Variants in XPNPEP3 observed in about 807,000 individuals in gnomAD.
XPNPEP3 encodes the protein X-prolyl aminopeptidase 3.
Under a neutral mutation model 60.0 loss-of-function variants are expected in XPNPEP3, and 41 were observed. That is an observed-to-expected ratio of 0.68 (90% CI 0.53 to 0.89). XPNPEP3 has a LOEUF of 0.89. XPNPEP3 is among the 40% of genes least tolerant of loss of function. The pLI is 0.00. For missense variants in XPNPEP3, 598 were observed against 638.9 expected (o/e 0.94, Z 0.69); for synonymous variants, 212 against 223.2 (o/e 0.95, Z 0.45).
In XPNPEP3 at chr22:40,869,053, G is replaced by A. The variant is rs761750025; in HGVS notation, c.119G>A (p.Arg40Lys). ...RYSLQPVPERRIPNRYLGQPS... is the reference protein window; with the variant it reads ...RYSLQPVPERKIPNRYLGQPS... ...TCCCTTCAGCCTGTCCCAGAAAGGA[G>A]GATTCCAAACCGATACTTAGGCCAG... The change falls in exon 2 of 10, where the codon AGG becomes AAG. Residue 40 changes from arginine to lysine, a missense_variant. Coordinates refer to ENST00000357137, the MANE Select transcript of XPNPEP3 (RefSeq NM_022098.4). 3.7e-5 allele frequency: 60 copies of A among 1,614,008 alleles called. No individual in the cohort carries two copies. The highest frequency in any genetic ancestry group is 4.9e-5 in the Non-Finnish European group (58 of 1,179,986).
At chr22:40,903,005 A>G (rs1383292908) in intron 4 of XPNPEP3, among the ~76,000 whole-genome samples, 1 of 152,226 alleles carries the variant, frequency 6.6e-6, no homozygotes, top group African/African-American at 2.4e-5. Flanking sequence ...TTGGTCACAT[A>G]GGCATATCCC....
chr22:40,907,055 A>G (rs1177793308), intron 4 of XPNPEP3: 17 of 456,222 alleles, frequency 3.7e-5, no homozygotes, highest in African/African-American at 1.2e-4. Flanking sequence ...TGTCACCCCA[A>G]TGGGGATTAA....
intron 1 of XPNPEP3, among the ~76,000 whole-genome samples, chr22:40,865,813 G>A (rs1166937843): frequency 4.6e-5 from 7 of 152,164 alleles, no homozygotes; most frequent in Non-Finnish European, 7.3e-5. Flanking sequence ...GGGATTACAA[G>A]CATGAGCCAC....
Position 40,861,428 on chromosome 22 carries a change from AGTT to A in XPNPEP3, c.64+4186_64+4188del, listed in dbSNP as rs1347031576. 3 of 1,613,700 alleles carry A rather than the reference AGTT, an allele frequency of 1.9e-6. No individual in the cohort carries two copies. The African/African-American group carries it at 4.0e-5, about 22-fold the overall frequency. ...TTCTGCCATTAACGATTTTGTCTGAAGTTGTAACAGATATGTAGTTGTCCATCC... is the reference window on the plus strand; with the variant it reads ...TTCTGCCATTAACGATTTTGTCTGAAGTAACAGATATGTAGTTGTCCATCC... On this transcript the variant is annotated intron_variant, in intron 1 of 9. Coordinates refer to ENST00000357137, the MANE Select transcript of XPNPEP3 (RefSeq NM_022098.4).
chr22:40,922,323 C>G lies in XPNPEP3; in HGVS notation c.1056-10C>G, dbSNP rs757304541. The G allele has an allele frequency of 1.9e-6, 3 of 1,613,702 alleles. No individual in the cohort carries two copies. ...TCTAAGTTCAGGTTCTTTGGTTTTCCCGTCCCCAGGTTCACCGCACCTCAG... is the reference window on the plus strand; with the variant it reads ...TCTAAGTTCAGGTTCTTTGGTTTTCGCGTCCCCAGGTTCACCGCACCTCAG... On this transcript the variant is annotated splice_polypyrimidine_tract_variant and intron_variant, in intron 7 of 9. Coordinates refer to ENST00000357137, the MANE Select transcript of XPNPEP3 (RefSeq NM_022098.4).
At chr22:40,869,984 C>T (rs904526987) in intron 2 of XPNPEP3, 1 of 463,728 alleles carries the variant, frequency 2.2e-6, no homozygotes, top group African/African-American at 2.0e-5. Context: ...TTCACTATCC[C>T]CACTCAGTGA....
intron 7 of XPNPEP3, 43 bp downstream of exon 7, chr22:40,914,367 G>A: frequency 6.6e-7 from 1 of 1,510,894 alleles, no homozygotes; most frequent in Non-Finnish European, 9.2e-7. Context: ...CTTCTTAGGA[G>A]TATGAGTTGG....
intron 1 of XPNPEP3, among the ~76,000 whole-genome samples, chr22:40,857,487 C>G (rs972861662): frequency 1.3e-5 from 2 of 152,236 alleles, no homozygotes; most frequent in Admixed American, 6.5e-5. Context: ...GTGCCATCCC[C>G]CAGAGGGGCT....
intron 1 of XPNPEP3, chr22:40,862,244 A>G (rs745313109): frequency 1.3e-4 from 162 of 1,217,264 alleles, no homozygotes; most frequent in Non-Finnish European, 1.6e-4. Flanking sequence ...GACCTTCCAA[A>G]TAGAGCTAGT....
intron 4 of XPNPEP3, among the ~76,000 whole-genome samples, chr22:40,904,738 G>A (rs2058147923): frequency 1.3e-5 from 2 of 152,132 alleles, no homozygotes; most frequent in South Asian, 2.1e-4. Flanking sequence ...GTGATTGTGT[G>A]TGCAAGTGTC....
At chr22:40,911,319 ATTTC>A (rs1007473409) in intron 6 of XPNPEP3, among the ~76,000 whole-genome samples, 10 of 152,004 alleles carry the variant, frequency 6.6e-5, no homozygotes, top group South Asian at 2.1e-4. Flanking sequence ...GGTCTATATA[ATTTC>A]TTTCTTATGC....
chr22:40,881,641 C>CTA, intron 2 of XPNPEP3, 129 bp from the exon 3 acceptor site: 7 of 1,110,434 alleles, frequency 6.3e-6, no homozygotes, highest in Non-Finnish European at 8.0e-6. Context: ...CCTTAATTCT[C>CTA]CATGTGCTGT....
At chr22:40,916,305 A>G (rs2058196102) in intron 7 of XPNPEP3, among the ~76,000 whole-genome samples, 1 of 152,126 alleles carries the variant, frequency 6.6e-6, no homozygotes, top group African/African-American at 2.4e-5. Context: ...CAAAGGAAAA[A>G]AAAAAAGAAA....
intron 3 of XPNPEP3, among the ~76,000 whole-genome samples, chr22:40,885,135 A>T (rs1175340267): frequency 6.6e-6 from 1 of 152,186 alleles, no homozygotes; most frequent in Non-Finnish European, 1.5e-5. Flanking sequence ...AAATGAAAAT[A>T]TGTAGGACAT....
intron 3 of XPNPEP3, among the ~76,000 whole-genome samples, chr22:40,885,772 A>G (rs924046967): frequency 1.3e-5 from 2 of 152,176 alleles, no homozygotes; most frequent in African/African-American, 4.8e-5. Context: ...ATCACAAGTC[A>G]GGAGTTCGAG....
At chr22:40,917,552 T>G (rs1006491201) in intron 7 of XPNPEP3, among the ~76,000 whole-genome samples, 3 of 152,096 alleles carry the variant, frequency 2.0e-5, no homozygotes, top group Admixed American at 2.0e-4. Context: ...TTGTACACTT[T>G]TTTAAGTGAA....
chr22:40,926,204 T>G (rs1234686069), intron 9 of XPNPEP3, 65 bp from the exon 10 acceptor site: 1 of 1,578,950 alleles, frequency 6.3e-7, no homozygotes, highest in East Asian at 2.2e-5. Flanking sequence ...GAGGTTAACT[T>G]ACTTGCCCCA....
intron 1 of XPNPEP3, chr22:40,862,011 G>A (rs2057952898): frequency 6.4e-7 from 1 of 1,566,490 alleles, no homozygotes; most frequent in African/African-American, 1.4e-5. Context: ...ACAGATAGTT[G>A]GAAGTGGGTG....
At chr22:40,904,971 G>C (rs1189571481) in intron 4 of XPNPEP3, among the ~76,000 whole-genome samples, 2 of 152,062 alleles carry the variant, frequency 1.3e-5, no homozygotes, top group African/African-American at 4.8e-5. Context: ...ATTTCACCAT[G>C]TTGGCCAGGC....
Sources: gnomAD v4.1 joint callset for allele counts (sites outside exome capture counted in the v4.1 genomes callset) on GRCh38, gnomAD v4.1.1 for gene constraint, MANE v1.5 for transcripts, NCBI Gene and HGNC (gene_info 2026-07-23, HGNC 2026-07-21) for gene names.